Variants in XXYLT1 observed in about 807,000 individuals in gnomAD.
XXYLT1 encodes xyloside xylosyltransferase 1.
In XXYLT1, 20 loss-of-function variants were observed where a neutral mutation model predicts 28.9. The observed-to-expected ratio is 0.69, with a 90% CI of 0.49 to 1.00. The LOEUF (loss-of-function observed/expected upper bound fraction) is 1.00. Ranked by LOEUF, XXYLT1 falls within the 50% of genes least tolerant of loss-of-function variation. The pLI, the probability that XXYLT1 is intolerant of heterozygous loss-of-function variation, is 0.00. For synonymous variants in XXYLT1, 257 were observed against 253.8 expected (o/e 1.01, Z -0.12); for missense variants, 542 against 560.1 (o/e 0.97, Z 0.33).
rs565103847 is a variant in XXYLT1, at chr3:195,240,841, G to A, written c.505-13985C>T. On this transcript the variant is annotated intron_variant, in intron 1 of 3. Coordinates refer to ENST00000310380, the MANE Select transcript of XXYLT1 (RefSeq NM_152531.5). The surrounding 1 kb of genome is among the most constrained non-coding windows in gnomAD (Gnocchi z 4.7). ...ACTGGGGGACTGAGGCAGGAGGATC[G>A]CTTGAACCTGGGAGGCGGAGGTTGC... 1.3e-5 allele frequency among the ~76,000 whole-genome samples: 2 copies of A among 152,314 alleles called. No homozygotes were observed. The highest frequency in any genetic ancestry group is 2.9e-5 in the Non-Finnish European group (2 of 68,016).
rs576560818 is a variant in XXYLT1 at position 195,184,578 on chromosome 3, G to C, written c.653-27997C>G. The C allele has an allele frequency of 1.0e-4, 102 of 972,950 alleles. No individual in the cohort carries two copies. The South Asian group carries it at 4.2e-3, about 40-fold the overall frequency. The allele number at this position is 972,950 out of a possible 1,614,324, so 60.3% of individuals were successfully genotyped here. A position where few individuals can be genotyped will look rare whatever the true frequency, so the allele number is the denominator to read the frequency against. On this transcript the variant is annotated intron_variant, in intron 2 of 3. Coordinates refer to ENST00000310380, the MANE Select transcript of XXYLT1 (RefSeq NM_152531.5). ...GGAAGTTTAAGAAAATCCTCAAAAT[G>C]GTTTGGAAGAACCCCCCCAAGAAAC...
intron 3 of XXYLT1, among the ~76,000 whole-genome samples, chr3:195,085,737 C>T (rs1456232722): frequency 2.0e-5 from 3 of 152,184 alleles, no homozygotes; most frequent in Admixed American, 6.5e-5. Context: ...GGTTCAAAAC[C>T]GTCAGGTCGC....
At chr3:195,241,755 C>G (rs1242390787) in intron 1 of XXYLT1, among the ~76,000 whole-genome samples, 1 of 151,836 alleles carries the variant, frequency 6.6e-6, no homozygotes, top group Non-Finnish European at 1.5e-5. Context: ...AGAGATTTTC[C>G]CTCACCAAAA....
At chr3:195,118,723 A>T (rs539097901) in intron 3 of XXYLT1, among the ~76,000 whole-genome samples, 1 of 152,352 alleles carries the variant, frequency 6.6e-6, no homozygotes, top group African/African-American at 2.4e-5. Context: ...TGCAAAACCT[A>T]CCAACCCAGA....
chr3:195,239,545 C>A (rs1724692898), intron 1 of XXYLT1, among the ~76,000 whole-genome samples: 1 of 152,168 alleles, frequency 6.6e-6, no homozygotes, highest in Admixed American at 6.5e-5. Context: ...TAATGCCAAC[C>A]TGGAATATAT....
chr3:195,087,904 G>C (rs1046774374), intron 3 of XXYLT1, among the ~76,000 whole-genome samples: 5 of 151,392 alleles, frequency 3.3e-5, no homozygotes, highest in South Asian at 2.1e-4. Context: ...CCTTTCAAAG[G>C]GAGTCAAAGA....
At chr3:195,112,693 A>G (rs1426751518) in intron 3 of XXYLT1, among the ~76,000 whole-genome samples, 2 of 151,224 alleles carry the variant, frequency 1.3e-5, no homozygotes, top group East Asian at 3.9e-4. Context: ...GAAGCAGTGC[A>G]CACACACACG....
chr3:195,248,941 T>C (rs1725144503), intron 1 of XXYLT1, among the ~76,000 whole-genome samples: 1 of 152,160 alleles, frequency 6.6e-6, no homozygotes, highest in African/African-American at 2.4e-5. Context: ...TCCTTTTTCC[T>C]GTATAAATTA....
intron 3 of XXYLT1, among the ~76,000 whole-genome samples, chr3:195,079,096 G>A (rs1202020468): frequency 2.6e-5 from 4 of 152,090 alleles, no homozygotes; most frequent in Non-Finnish European, 5.9e-5. Context: ...TGCATCTCCC[G>A]GCCCCTTACC....
At chr3:195,219,501 G>T (rs1025034134) in intron 2 of XXYLT1, among the ~76,000 whole-genome samples, 1 of 152,228 alleles carries the variant, frequency 6.6e-6, no homozygotes, top group Non-Finnish European at 1.5e-5. Flanking sequence ...AGGGAAGAAG[G>T]AATGAGGAAG....
chr3:195,128,633 C>A (rs1011755604), intron 3 of XXYLT1, among the ~76,000 whole-genome samples: 4 of 152,188 alleles, frequency 2.6e-5, no homozygotes, highest in African/African-American at 9.7e-5. Flanking sequence ...CTCCCTGGAC[C>A]TAAAATGTCC....
At chr3:195,206,093 C>T (rs113721686) in intron 2 of XXYLT1, among the ~76,000 whole-genome samples, 4,521 of 146,406 alleles carry the variant, frequency 0.031, 220 homozygotes, top group African/African-American at 0.11. Context: ...GGCACGATCT[C>T]AGCTCACTGC....
At position 195,069,565 on chromosome 3, in the gene XXYLT1, G is replaced by T; in HGVS notation, c.*150C>A. The T allele has an allele frequency of 8.3e-7, 1 of 1,207,986 alleles. No individual in the cohort carries two copies. The highest frequency in any genetic ancestry group is 1.1e-6 in the Non-Finnish European group (1 of 872,956). The allele number at this position is 1,207,986 out of a possible 1,614,324, so 74.8% of individuals were successfully genotyped here. ...CCTTGGCGGGTGGCCTCAGCACAGT[G>T]ACCTGCCCGGCAGGAGGTCTCAGCA... On this transcript the variant is annotated 3_prime_UTR_variant, in exon 4 of 4. Coordinates refer to ENST00000310380, the MANE Select transcript of XXYLT1 (RefSeq NM_152531.5).
intron 1 of XXYLT1, among the ~76,000 whole-genome samples, chr3:195,253,104 C>T (rs1313801129): frequency 6.6e-6 from 1 of 152,182 alleles, no homozygotes; most frequent in Non-Finnish European, 1.5e-5. Context: ...CCAGGCACTG[C>T]ACCCCAGCTG....
At chr3:195,154,081 C>T (rs1253687980) in intron 3 of XXYLT1, 1 of 152,212 alleles carries the variant, frequency 6.6e-6, no homozygotes, top group Non-Finnish European at 1.5e-5. Context: ...TGTATTGTTA[C>T]AGTAGGTAGC....
chr3:195,157,890 C>A (rs942737783), intron 2 of XXYLT1, among the ~76,000 whole-genome samples: 1 of 152,188 alleles, frequency 6.6e-6, no homozygotes, highest in Non-Finnish European at 1.5e-5. Flanking sequence ...TACTTCTCTG[C>A]ACCTCAGCTG....
In XXYLT1 at chr3:195,270,788, C is replaced by A. The variant is rs1007378236; in HGVS notation, c.271G>T (p.Gly91Cys). ...TAGTCCACCGGCCCGGCACCGCCGC[C>A]CTCCAAGCTCTTGGCCTTCGCGCCG... ...APGAKAKSLE[G>C]GGAGPVDYHL... Residue 91 changes from glycine to cysteine, a missense_variant, in exon 1 of 4, where the codon GGC (glycine) becomes TGC (cysteine). Coordinates refer to ENST00000310380, the MANE Select transcript of XXYLT1 (RefSeq NM_152531.5). The A allele has an allele frequency of 5.1e-6, 8 of 1,563,320 alleles. No individual in the cohort carries two copies. Among genetic ancestry groups the A allele is most frequent in the Non-Finnish European group, 6.9e-6 (8 of 1,160,200 alleles).
In XXYLT1 at chr3:195,270,699, G is replaced by A; in HGVS notation, c.360C>T (p.Val120=). The change falls in exon 1 of 4, where the codon GTC becomes GTT. Residue 120 remains valine (V), a synonymous_variant. Transcript: ENST00000310380. ...CGAGGCGCAGCAGTGAGCGCAGCGC[G>A]ACGCGGGCCTTGGCCTGCAGCGCGG... ...HNAALQAKAR[V]ALRSLLRLAK... 3.8e-6 allele frequency: 6 copies of A among 1,589,088 alleles called. No individual in the cohort carries two copies. The highest frequency in any genetic ancestry group is 5.1e-6 in the Non-Finnish European group (6 of 1,172,426).
intron 3 of XXYLT1, among the ~76,000 whole-genome samples, chr3:195,100,805 C>G (rs1240622577): frequency 1.3e-5 from 2 of 152,254 alleles, no homozygotes; most frequent in East Asian, 1.9e-4. Flanking sequence ...TATACTGATC[C>G]TACATCCCTT....
Sources: allele counts gnomAD v4.1 joint callset (sites outside exome capture counted in the v4.1 genomes callset), GRCh38; gene constraint gnomAD v4.1.1; non-coding constraint Gnocchi (gnomAD v3.1); transcripts MANE v1.5; gene names NCBI Gene and HGNC (gene_info 2026-07-23, HGNC 2026-07-21).